COMMD1: variants seen among roughly 807,000 people sequenced by gnomAD.
The protein encoded by COMMD1 is copper metabolism domain containing 1.
In COMMD1, 10 loss-of-function variants were observed where a neutral mutation model predicts 17.2. That is an observed-to-expected ratio of 0.58 (90% CI 0.36 to 0.99). COMMD1 has a LOEUF of 0.99. Ranked by LOEUF, COMMD1 falls within the 50% of genes least tolerant of loss-of-function variation. The pLI, the probability that COMMD1 is intolerant of heterozygous loss-of-function variation, is 0.01. For missense variants in COMMD1, 270 were observed against 231.8 expected, an observed-to-expected ratio of 1.17 and a Z score of -1.07; for synonymous variants, 97 against 91.6, an observed-to-expected ratio of 1.06 and a Z score of -0.34.
intron 1 of COMMD1, among the ~76,000 whole-genome samples, chr2:61,961,095 A>G (rs1671331527): frequency 6.6e-6 from 1 of 152,214 alleles, no homozygotes; most frequent in Admixed American, 6.5e-5. Flanking sequence ...GGAGCACCAA[A>G]TTGTTGGAAA....
intron 2 of COMMD1, among the ~76,000 whole-genome samples, chr2:62,054,603 A>C (rs939329257): frequency 6.6e-6 from 1 of 152,218 alleles, no homozygotes; most frequent in African/African-American, 2.4e-5. Context: ...CAAGCCAGGC[A>C]CAGAAAGACA....
chr2:62,098,017 C>T (rs534629977), intron 2 of COMMD1, among the ~76,000 whole-genome samples: 1 of 151,968 alleles, frequency 6.6e-6, no homozygotes, highest in Non-Finnish European at 1.5e-5. Context: ...AATATTCTTT[C>T]TTTTTGCAAT....
intron 2 of COMMD1, among the ~76,000 whole-genome samples, chr2:62,113,401 C>T (rs1672509627): frequency 1.3e-5 from 2 of 151,836 alleles, no homozygotes; most frequent in South Asian, 4.2e-4. Flanking sequence ...TCTGATAGAG[C>T]CATTATGGTT....
At chr2:62,104,683 T>A (rs1329153338) in intron 2 of COMMD1, among the ~76,000 whole-genome samples, 2 of 151,410 alleles carry the variant, frequency 1.3e-5, no homozygotes, top group Non-Finnish European at 2.9e-5. Context: ...CATCCCTTAC[T>A]TTGTTCCATT....
At chr2:61,942,468 G>A (rs1670775445) in intron 1 of COMMD1, among the ~76,000 whole-genome samples, 2 of 151,620 alleles carry the variant, frequency 1.3e-5, no homozygotes, top group South Asian at 4.2e-4. Context: ...CTGGAGTGCA[G>A]TGGCACTCAT....
At chr2:62,040,836 G>C (rs752121975) in intron 2 of COMMD1, among the ~76,000 whole-genome samples, 5 of 152,038 alleles carry the variant, frequency 3.3e-5, no homozygotes, top group Non-Finnish European at 5.9e-5. Context: ...TCAGCCTCTT[G>C]AGTAGCTGGG....
At chr2:62,012,573 C>T (rs1669314074) in intron 2 of COMMD1, among the ~76,000 whole-genome samples, 1 of 152,022 alleles carries the variant, frequency 6.6e-6, no homozygotes, top group African/African-American at 2.4e-5. Context: ...CCGCCTGGGC[C>T]TCCCAAAGTG....
At chr2:62,135,671 G>A (rs993308052) in intron 2 of COMMD1, among the ~76,000 whole-genome samples, 160 bp from the exon 3 acceptor site, 5 of 152,162 alleles carry the variant, frequency 3.3e-5, no homozygotes, top group African/African-American at 1.2e-4. Context: ...TTTATTTAGG[G>A]CATTATGTGG....
intron 2 of COMMD1, among the ~76,000 whole-genome samples, chr2:62,098,869 C>T (rs1573184112): frequency 1.3e-5 from 2 of 152,348 alleles, no homozygotes; most frequent in South Asian, 4.1e-4. Context: ...AATCAGCTGA[C>T]ACATGTCAGA....
chr2:61,983,148 G>T (rs2103757232), intron 1 of COMMD1, among the ~76,000 whole-genome samples: 1 of 151,254 alleles, frequency 6.6e-6, no homozygotes, highest in East Asian at 1.9e-4. Context: ...AAAGCCCTGA[G>T]GTCCTGGGCT....
At chr2:61,903,147 G>T (rs1669695375), upstream of COMMD1, among the ~76,000 whole-genome samples, 1 of 151,976 alleles carries the variant, frequency 6.6e-6, no homozygotes, top group Non-Finnish European at 1.5e-5. Flanking sequence ...TTTTTCTATT[G>T]TAAAAAATGC....
In COMMD1 at chr2:62,051,198, A is replaced by C. The variant is rs143942015; in HGVS notation, c.462+50216A>C. 9.6e-4 allele frequency among the ~76,000 whole-genome samples: 146 copies of C among 152,266 alleles called. 1 individual carries two copies. The highest frequency in any genetic ancestry group is 3.5e-3 in the African/African-American group (145 of 41,566). On this transcript the variant is annotated intron_variant, in intron 2 of 2. Transcript: ENST00000311832. ...TTACCTGCTCACCTTAGATAGGCTC[A>C]GTATATTTCATGATAGGCTTCTAGA...
intron 1 of COMMD1, among the ~76,000 whole-genome samples, chr2:61,951,054 C>G (rs571197046): frequency 6.6e-6 from 1 of 151,850 alleles, no homozygotes; most frequent in South Asian, 2.1e-4. Flanking sequence ...TTTTTGCTGC[C>G]AATGGCAATG....
chr2:62,102,022 A>G (rs1322484196), intron 2 of COMMD1, among the ~76,000 whole-genome samples: 2 of 152,100 alleles, frequency 1.3e-5, no homozygotes, highest in Admixed American at 6.5e-5. Context: ...TACCAGCCCC[A>G]TCTTGAAGCT....
At chr2:62,121,232 T>A (rs1265446276) in intron 2 of COMMD1, among the ~76,000 whole-genome samples, 2 of 150,474 alleles carry the variant, frequency 1.3e-5, no homozygotes, top group Non-Finnish European at 3.0e-5. Context: ...TAACTGGGCG[T>A]GGTGGCATTT....
At position 62,015,465 on chromosome 2, in the gene COMMD1, A is replaced by C. The variant is rs2103841900; in HGVS notation, c.462+14483A>C. 2.0e-5 allele frequency among the ~76,000 whole-genome samples: 3 copies of C among 152,256 alleles called. No homozygotes were observed. In the Middle Eastern group the frequency reaches 0.01, roughly 518 times the overall value. On this transcript the variant is annotated intron_variant, in intron 2 of 2. Coordinates refer to ENST00000311832, the MANE Select transcript of COMMD1 (RefSeq NM_152516.4). ...TTGTTTCCACCTTTTGGCTCTTGTG[A>C]CTAATCTGCTGTGAACATGGGTATA...
Position 62,063,865 on chromosome 2 carries a change from C to CAA in COMMD1, c.462+62886_462+62887dup, listed in dbSNP as rs1172309463. On this transcript the variant is annotated intron_variant, in intron 2 of 2. Transcript: ENST00000311832. ...GGACAACATAGTGACACTGTCTCTA[C>CAA]AAAATATATATATATATATATATAT... is the stretch of plus-strand genomic sequence containing the variant. 3.4e-3 allele frequency among the ~76,000 whole-genome samples: 105 copies of CAA among 31,060 alleles called. 1 individual carries two copies. Among genetic ancestry groups the CAA allele is most frequent in the African/African-American group, 0.015 (102 of 6,810 alleles). 20.4% of individuals were successfully genotyped at this position (31,060 alleles called of 152,430 possible).
intron 1 of COMMD1, among the ~76,000 whole-genome samples, chr2:61,999,767 C>T (rs927983454): frequency 4.6e-5 from 7 of 151,862 alleles, no homozygotes; most frequent in East Asian, 3.9e-4. Context: ...TTTATCTCCC[C>T]GCCATAGAAC....
At chr2:61,913,126 T>G (rs1416105680) in intron 1 of COMMD1, among the ~76,000 whole-genome samples, 1 of 152,090 alleles carries the variant, frequency 6.6e-6, no homozygotes, top group Non-Finnish European at 1.5e-5. Context: ...CCCAGCACTT[T>G]GGTAGGCCAA....
Sources: allele counts gnomAD v4.1 joint callset (sites outside exome capture counted in the v4.1 genomes callset), GRCh38; gene constraint gnomAD v4.1.1; transcripts MANE v1.5; gene names NCBI Gene and HGNC (gene_info 2026-07-23, HGNC 2026-07-21).